GSN: variants seen among roughly 807,000 people sequenced by gnomAD.
GSN encodes the protein gelsolin, also known as actin-depolymerizing factor.
GSN carries 56 observed loss-of-function variants against 85.7 expected under a neutral mutation model. The ratio of observed to expected loss-of-function variants is 0.65; its 90% CI spans 0.53 to 0.82. The LOEUF (loss-of-function observed/expected upper bound fraction) is 0.82, where lower values mean the gene tolerates loss of function less well. Ranked by LOEUF, GSN falls within the 40% of genes least tolerant of loss-of-function variation. The pLI is 0.00. For synonymous variants in GSN, 373 were observed against 399.1 expected, an observed-to-expected ratio of 0.93 and a Z score of 0.78; for missense variants, 857 against 979.8, an observed-to-expected ratio of 0.87 and a Z score of 1.67.
In GSN at chr9:121,332,453, G is replaced by A. The variant is rs747385746; in HGVS notation, c.2046G>A (p.Thr682=). The A allele has an allele frequency of 6.3e-5, 102 of 1,614,026 alleles. No individual in the cohort carries two copies. The Admixed American group carries it at 1.4e-3, about 22-fold the overall frequency. Residue 682 remains threonine (T), a synonymous_variant, in exon 18 of 18, where the codon ACG becomes ACA. Coordinates refer to ENST00000432226, the MANE Select transcript of GSN (RefSeq NM_198252.3). This position sits in a 1 kb window ranked among gnomAD's most constrained non-coding sequence, Gnocchi z 4.8. ...ALTSAKRYIE[T]DPANRDRRTP... ...CTGCAGCTAAGCGGTACATCGAGAC[G>A]GACCCAGCCAATCGGGATCGGCGGA...
In GSN at chr9:121,310,716, G is replaced by A. The variant is rs768342964; in HGVS notation, c.384G>A (p.Val128=). 9 of 1,614,056 alleles carry A rather than the reference G, an allele frequency of 5.6e-6. No homozygotes were observed. In the African/African-American group the frequency reaches 1.2e-4, roughly 22 times the overall value. Residue 128 remains valine, a synonymous_variant, in exon 5 of 18, where the codon GTG becomes GTA. Coordinates refer to ENST00000432226, the MANE Select transcript of GSN (RefSeq NM_198252.3). ...GTGTGGCATCAGGATTCAAGCACGT[G>A]GTACCCAACGAGGTGGTGGTGCAGA... ...KGGVASGFKH[V]VPNEVVVQRL... is the part of the protein sequence containing the mutation.
intron 12 of GSN, 109 bp from the exon 13 acceptor site, chr9:121,326,403 C>A: frequency 1.1e-6 from 1 of 886,308 alleles, no homozygotes; most frequent in Non-Finnish European, 1.8e-6. Context: ...CCATGCCACA[C>A]ACAGACACAA....
At chr9:121,263,886 C>CT, upstream of GSN, among the ~76,000 whole-genome samples, 1 of 97,434 alleles carries the variant, frequency 1.0e-5, no homozygotes, top group African/African-American at 3.4e-5. Context: ...GAAACTCCAT[C>CT]TCAAAAAAAA....
At chr9:121,214,810 G>A (rs2054030402) in intron 4 of GSN, among the ~76,000 whole-genome samples, 1 of 152,182 alleles carries the variant, frequency 6.6e-6, no homozygotes. Context: ...TTAGATGGAT[G>A]AGCGATGCCA....
At chr9:121,315,028 CT>C (rs768187036) in intron 7 of GSN, among the ~76,000 whole-genome samples, 20 of 152,112 alleles carry the variant, frequency 1.3e-4, no homozygotes, top group Non-Finnish European at 2.5e-4. Context: ...GCCCAGCTAA[CT>C]TTTGTATTTT....
chr9:121,331,476 G>T, intron 17 of GSN, 28 bp downstream of exon 17: 1 of 1,382,348 alleles, frequency 7.2e-7, no homozygotes, highest in South Asian at 1.2e-5. Flanking sequence ...TGGGGGCGGG[G>T]GGAGGGGTCC....
At chr9:121,238,807 G>T (rs1333424876) in intron 5 of GSN, 4 of 520,632 alleles carry the variant, frequency 7.7e-6, no homozygotes, top group Non-Finnish European at 1.6e-5. Context: ...TCCAAGTCAA[G>T]AAGATCATCT....
intron 4 of GSN, among the ~76,000 whole-genome samples, chr9:121,217,272 A>G (rs918311040): frequency 6.6e-6 from 1 of 152,028 alleles, no homozygotes; most frequent in Non-Finnish European, 1.5e-5. Flanking sequence ...AGGCTGAGGC[A>G]GGAGAATCAT....
At position 121,318,670 on chromosome 9, in the gene GSN, G is replaced by C. The variant is rs145170518; in HGVS notation, c.981G>C (p.Ser327=). Residue 327 remains serine, a synonymous_variant, in exon 10 of 18, where the codon TCG becomes TCC. Transcript: ENST00000432226. The surrounding 1 kb of genome is among the most constrained non-coding windows in gnomAD (Gnocchi z 4.3). The part of the protein sequence containing the change: ...KMDYPKQTQV[S]VLPEGGETPL... Reference sequence around the variant, plus strand: ...CCTCTGCCTCCCCTCCCCAGGTCTCGGTCCTTCCTGAGGGCGGTGAGACCC... The same window carrying C: ...CCTCTGCCTCCCCTCCCCAGGTCTCCGTCCTTCCTGAGGGCGGTGAGACCC... 25 of 1,611,726 alleles carry C rather than the reference G, an allele frequency of 1.6e-5. 1 individual carries two copies. The highest frequency in any genetic ancestry group is 3.3e-4 in the Middle Eastern group (2 of 6,062).
At chr9:121,223,423 C>G (rs554496267) in intron 4 of GSN, among the ~76,000 whole-genome samples, 2 of 152,020 alleles carry the variant, frequency 1.3e-5, no homozygotes, top group African/African-American at 4.8e-5. Context: ...AGGGAAAGAC[C>G]CCTATAGAAT....
At chr9:121,326,799 A>G (rs759316890) in intron 13 of GSN, 117 bp downstream of exon 13, 2 of 978,064 alleles carry the variant, frequency 2.0e-6, no homozygotes, top group African/African-American at 3.2e-5. Context: ...CGGGGTAAGA[A>G]GCAGCTTTTT....
intron 4 of GSN, among the ~76,000 whole-genome samples, chr9:121,303,703 TTG>T (rs2060133313): frequency 6.6e-6 from 1 of 152,158 alleles, no homozygotes; most frequent in South Asian, 2.1e-4. Flanking sequence ...TGAGAGCCAG[TTG>T]TACCTGCCCT....
chr9:121,229,257 G>A (rs2054339061), intron 4 of GSN, among the ~76,000 whole-genome samples: 1 of 152,140 alleles, frequency 6.6e-6, no homozygotes, highest in African/African-American at 2.4e-5. Flanking sequence ...GTCTTGCGCT[G>A]TCGCCCAGGC....
At chr9:121,222,067 T>C (rs1036963443) in intron 4 of GSN, 6 of 151,808 alleles carry the variant, frequency 4.0e-5, no homozygotes, top group African/African-American at 1.5e-4. Flanking sequence ...TCTCCTGTTC[T>C]GTCTTTTAAA....
At chr9:121,314,078 A>C (rs753008387) in intron 7 of GSN, 55 bp downstream of exon 7, 20 of 1,371,322 alleles carry the variant, frequency 1.5e-5, no homozygotes, top group Non-Finnish European at 2.1e-5. Flanking sequence ...GGGAGGTGGA[A>C]GACTTGGTCT....
chr9:121,207,368 G>A (rs1292213987), upstream of GSN, among the ~76,000 whole-genome samples: 1 of 152,178 alleles, frequency 6.6e-6, no homozygotes, highest in African/African-American at 2.4e-5. Flanking sequence ...GTGATATGAA[G>A]GGGTACCAGC....
intron 6 of GSN, among the ~76,000 whole-genome samples, chr9:121,250,534 T>C (rs956602601): frequency 6.6e-6 from 1 of 150,914 alleles, no homozygotes; most frequent in Admixed American, 6.6e-5. Context: ...TCACACCTGT[T>C]TGGTGTGTGT....
intron 4 of GSN, among the ~76,000 whole-genome samples, chr9:121,212,422 T>C (rs1452091146): frequency 1.3e-5 from 2 of 152,150 alleles, no homozygotes; most frequent in African/African-American, 4.8e-5. Flanking sequence ...CACTTCACCG[T>C]AGCCCTCTAT....
chr9:121,288,788 G>T (rs1283592538), intron 2 of GSN, among the ~76,000 whole-genome samples: 1 of 152,046 alleles, frequency 6.6e-6, no homozygotes, highest in African/African-American at 2.4e-5. Context: ...GTGGGACCTG[G>T]TATCATGGAC....
Sources: gnomAD v4.1 joint callset for allele counts (sites outside exome capture counted in the v4.1 genomes callset) on GRCh38, gnomAD v4.1.1 for gene constraint, Gnocchi (gnomAD v3.1) non-coding constraint, MANE v1.5 for transcripts, NCBI Gene and HGNC (gene_info 2026-07-23, HGNC 2026-07-21) for gene names.